ST3GAL2: variants seen among roughly 807,000 people sequenced by gnomAD.
ST3GAL2 encodes CMP-N-acetylneuraminate-beta-galactosamide-alpha-2,3-sialyltransferase 2.
A neutral mutation model predicts 37.5 loss-of-function variants in ST3GAL2; 16 were observed. The observed-to-expected ratio is 0.43, with a 90% CI of 0.29 to 0.65. The LOEUF (loss-of-function observed/expected upper bound fraction) is 0.65, where lower values mean the gene tolerates loss of function less well. Among genes scored for constraint, ST3GAL2 ranks in the 30% least tolerant of loss-of-function variants. The probability of loss-of-function intolerance (pLI) is 0.17; values close to 1 mark genes in which losing one functional copy is unlikely to be tolerated. For synonymous variants in ST3GAL2, 238 were observed against 202.9 expected (o/e 1.17, Z -1.47); for missense variants, 383 against 487.8 (o/e 0.79, Z 2.02).
rs1567664057 is a variant in ST3GAL2, at chr16:70,381,541, C to T, written c.*148G>A. 6.3e-6 allele frequency: 6 copies of T among 958,154 alleles called. No homozygotes were observed. Among genetic ancestry groups the T allele is most frequent in the South Asian group, 1.7e-5 (1 of 58,122 alleles). 59.4% of individuals were successfully genotyped at this position (958,154 alleles called of 1,614,324 possible). On this transcript the variant is annotated 3_prime_UTR_variant, in exon 7 of 7. Transcript: ENST00000342907. ...ACCGCAGCGCAGATTGGTGCCAGGC[C>T]CGGCCGGTCCCCCAGTCTCGTGATT...
chr16:70,397,303 A>C (rs1429835447), intron 2 of ST3GAL2, among the ~76,000 whole-genome samples: 1 of 151,578 alleles, frequency 6.6e-6, no homozygotes, highest in East Asian at 2.0e-4. Context: ...GTGCTCTCAA[A>C]GTGCTGAGAT....
chr16:70,407,824 G>A (rs879262407), intron 1 of ST3GAL2, among the ~76,000 whole-genome samples: 1 of 152,210 alleles, frequency 6.6e-6, no homozygotes, highest in Non-Finnish European at 1.5e-5. Context: ...GATCCCAGGA[G>A]ACAGCCATCA....
rs1597550026 is a variant in ST3GAL2 at position 70,378,129 on chromosome 16, G to C, written c.*3560C>G. On this transcript the variant is annotated 3_prime_UTR_variant, in exon 7 of 7. Transcript: ENST00000342907. ...AAGGGAAGTAGAATGATATTTATAG[G>C]AGTTTTAAAAATCTATTATGGGCTG... The C allele has an allele frequency of 6.6e-6, 1 of 152,222 alleles. No homozygotes were observed. The highest frequency in any genetic ancestry group is 1.9e-4 in the East Asian group (1 of 5,188). 9.4% of individuals were successfully genotyped at this position (152,222 alleles called of 1,614,324 possible).
At chr16:70,438,274 G>A (rs1411516738) in intron 1 of ST3GAL2, among the ~76,000 whole-genome samples, 1 of 152,110 alleles carries the variant, frequency 6.6e-6, no homozygotes, top group Non-Finnish European at 1.5e-5. Flanking sequence ...CCAGTCACAG[G>A]GGAATGACTG....
chr16:70,405,794 C>T (rs1158997283), intron 1 of ST3GAL2, among the ~76,000 whole-genome samples: 1 of 151,980 alleles, frequency 6.6e-6, no homozygotes, highest in South Asian at 2.1e-4. Context: ...GGCGCGGTGG[C>T]TCACGCCTGT....
rs1016027467 is a variant in ST3GAL2, at chr16:70,379,968, A to C, written c.*1721T>G. 3 of 152,112 alleles carry C rather than the reference A, an allele frequency of 2.0e-5. No individual in the cohort carries two copies. Among genetic ancestry groups the C allele is most frequent in the Non-Finnish European group, 4.4e-5 (3 of 68,024 alleles). 9.4% of individuals were successfully genotyped at this position (152,112 alleles called of 1,614,324 possible). A position where few individuals can be genotyped will look rare whatever the true frequency, so the allele number is the denominator to read the frequency against. On this transcript the variant is annotated 3_prime_UTR_variant, in exon 7 of 7. Coordinates refer to ENST00000342907, the MANE Select transcript of ST3GAL2 (RefSeq NM_006927.4). ...TCATGATTTAAAGCAAAAGAAAAAA[A>C]AGAAATAAATTATTCTGCTCAATAC...
chr16:70,396,614 G>T (rs1264444579), intron 2 of ST3GAL2, among the ~76,000 whole-genome samples: 1 of 152,196 alleles, frequency 6.6e-6, no homozygotes, highest in Non-Finnish European at 1.5e-5. Flanking sequence ...CACAGTAAGA[G>T]CCCACGGGGC....
In ST3GAL2 at chr16:70,386,638, A is replaced by C. The variant is rs1049082388; in HGVS notation, c.713+1729T>G. Among the ~76,000 whole-genome samples the C allele has an allele frequency of 2.4e-4, 37 of 151,542 alleles. 1 individual carries two copies. Among genetic ancestry groups the C allele is most frequent in the African/African-American group, 8.7e-4 (36 of 41,332 alleles). ...AGGCATGAACCACCATGCCCGGCCA[A>C]AAATTTTTATTTTTTATTTTTTTTG... On this transcript the variant is annotated intron_variant, in intron 4 of 6. Transcript: ENST00000342907.
In ST3GAL2 at chr16:70,377,000, C is replaced by G. The variant is rs533058580; in HGVS notation, c.*4689G>C. On this transcript the variant is annotated 3_prime_UTR_variant, in exon 7 of 7. Transcript: ENST00000342907. Reference sequence around the variant, plus strand: ...TCGTGATTCACCTGCCTCAGCCTCCCAAAATGCTGGGATTATAGGCATGAG... The same window carrying G: ...TCGTGATTCACCTGCCTCAGCCTCCGAAAATGCTGGGATTATAGGCATGAG... 1 of 151,824 alleles carries G rather than the reference C, an allele frequency of 6.6e-6. No individual in the cohort carries two copies. Among genetic ancestry groups the G allele is most frequent in the Non-Finnish European group, 1.5e-5 (1 of 67,968 alleles). 9.4% of individuals were successfully genotyped at this position (151,824 alleles called of 1,614,324 possible). A position where few individuals can be genotyped will look rare whatever the true frequency, so the allele number is the denominator to read the frequency against.
In ST3GAL2 at chr16:70,404,625, G is replaced by T. The variant is rs181885818; in HGVS notation, c.-1003-5092C>A. Among the ~76,000 whole-genome samples, 3 of 152,244 alleles carry T rather than the reference G, an allele frequency of 2.0e-5. No homozygotes were observed. The East Asian group carries it at 5.8e-4, about 29-fold the overall frequency. ...ATGTGAAATGGTGCAGTCGCTTTGG[G>T]CAACAGTCTGGCAGTTCCTCAAAAG... is the stretch of plus-strand genomic sequence containing the variant. On this transcript the variant is annotated intron_variant, in intron 1 of 6. Coordinates refer to ENST00000342907, the MANE Select transcript of ST3GAL2 (RefSeq NM_006927.4).
rs1202671317 is a variant in ST3GAL2, at chr16:70,394,720, G to T, written c.533+262C>A. ...CCAAACAATCAGCCAGGAATCTAAT[G>T]TCAGCTCTTTCCAGAGGAATTCAGA... is the stretch of plus-strand genomic sequence containing the variant. On this transcript the variant is annotated intron_variant, in intron 3 of 6. Transcript: ENST00000342907. Among the ~76,000 whole-genome samples, 5 of 152,314 alleles carry T rather than the reference G, an allele frequency of 3.3e-5. No homozygotes were observed. In the South Asian group the frequency reaches 8.3e-4, roughly 25 times the overall value.
intron 1 of ST3GAL2, among the ~76,000 whole-genome samples, chr16:70,410,793 G>A (rs927584784): frequency 1.4e-5 from 2 of 144,224 alleles, no homozygotes; most frequent in Non-Finnish European, 1.5e-5. Flanking sequence ...AAAATTAAAA[G>A]CCCATTTAGA....
At chr16:70,388,252 C>T in intron 4 of ST3GAL2, 115 bp downstream of exon 4, 1 of 1,392,660 alleles carries the variant, frequency 7.2e-7, no homozygotes. Flanking sequence ...CCCTTCTCAC[C>T]AGCCCCTCTT....
chr16:70,400,599 T>C (rs2047548520), intron 1 of ST3GAL2: 1 of 152,230 alleles, frequency 6.6e-6, no homozygotes, highest in Non-Finnish European at 1.5e-5. Flanking sequence ...GCCCCTCCAT[T>C]TGTGGCCACA....
At chr16:70,426,597 T>C (rs1597576164) in intron 1 of ST3GAL2, among the ~76,000 whole-genome samples, 1 of 149,218 alleles carries the variant, frequency 6.7e-6, no homozygotes, top group East Asian at 2.0e-4. Context: ...CCACAACCTC[T>C]GCCTCCCGGG....
chr16:70,437,505 C>T (rs546654872), intron 1 of ST3GAL2, among the ~76,000 whole-genome samples: 2 of 141,186 alleles, frequency 1.4e-5, no homozygotes, highest in South Asian at 2.2e-4. Flanking sequence ...CTGCCCCCCC[C>T]GCAAAAAAAA....
intron 1 of ST3GAL2, among the ~76,000 whole-genome samples, chr16:70,418,738 G>A (rs1022545570): frequency 2.0e-5 from 3 of 152,166 alleles, no homozygotes; most frequent in African/African-American, 7.2e-5. Context: ...CCAGGTTGGG[G>A]GTGAGAGGAT....
intron 1 of ST3GAL2, among the ~76,000 whole-genome samples, chr16:70,422,240 C>G (rs1340262081): frequency 6.6e-6 from 1 of 152,204 alleles, no homozygotes; most frequent in African/African-American, 2.4e-5. Context: ...ACCTCACGCA[C>G]TCCCTGCAAA....
intron 3 of ST3GAL2, 33 bp from the exon 4 acceptor site, chr16:70,388,579 C>T: frequency 2.6e-6 from 4 of 1,535,084 alleles, no homozygotes; most frequent in East Asian, 2.3e-5. Flanking sequence ...TGAGAATCAA[C>T]TGCCATGGAA....
Sources: allele counts gnomAD v4.1 joint callset (sites outside exome capture counted in the v4.1 genomes callset), GRCh38; gene constraint gnomAD v4.1.1; transcripts MANE v1.5; gene names NCBI Gene and HGNC (gene_info 2026-07-23, HGNC 2026-07-21).